The following SIRPA variants were observed in gnomAD, a reference collection of about 807,000 sequenced individuals.
The protein encoded by SIRPA is signal regulatory protein alpha, also known as tyrosine-protein phosphatase non-receptor type substrate 1.
SIRPA carries 9 observed loss-of-function variants against 50.3 expected under a neutral mutation model. The ratio of observed to expected loss-of-function variants is 0.18; its 90% CI spans 0.11 to 0.31. SIRPA has a LOEUF of 0.31. Among genes scored for constraint, SIRPA ranks in the 10% least tolerant of loss-of-function variants. The pLI, the probability that SIRPA is intolerant of heterozygous loss-of-function variation, is 1.00. For missense variants in SIRPA, 474 were observed against 661.6 expected, an observed-to-expected ratio of 0.72 and a Z score of 3.11; for synonymous variants, 265 against 284.1, an observed-to-expected ratio of 0.93 and a Z score of 0.68.
chr20:1,920,401 G>A (rs1163615018), intron 2 of SIRPA, among the ~76,000 whole-genome samples: 4 of 152,186 alleles, frequency 2.6e-5, no homozygotes, highest in African/African-American at 9.7e-5. Context: ...TGCGATAGGA[G>A]GTATGGGGTA....
intron 1 of SIRPA, among the ~76,000 whole-genome samples, chr20:1,912,882 A>G (rs1315798727): frequency 2.0e-5 from 3 of 152,224 alleles, no homozygotes; most frequent in Non-Finnish European, 4.4e-5. Flanking sequence ...CTATCCGGAA[A>G]GTTCCTAGCT....
chr20:1,917,076 C>T (rs1262847505), intron 2 of SIRPA, among the ~76,000 whole-genome samples: 1 of 152,188 alleles, frequency 6.6e-6, no homozygotes, highest in African/African-American at 2.4e-5. Flanking sequence ...CTGCTGACTC[C>T]TAGCAGAGTG....
At chr20:1,900,785 G>C (rs758530483) in intron 1 of SIRPA, among the ~76,000 whole-genome samples, 3 of 152,122 alleles carry the variant, frequency 2.0e-5, no homozygotes, top group Non-Finnish European at 4.4e-5. Flanking sequence ...CGAATTCCCC[G>C]GGAAAACACT....
At position 1,921,627 on chromosome 20, in the gene SIRPA, C is replaced by T. The variant is rs1279653286; in HGVS notation, c.669C>T (p.His223=). 1.2e-6 allele frequency: 2 copies of T among 1,614,108 alleles called. No individual in the cohort carries two copies. Among genetic ancestry groups the T allele is most frequent in the East Asian group, 4.5e-5 (2 of 44,890 alleles). ...TGGTGCTGACCCGCGAGGACGTTCACTCTCAAGTCATCTGCGAGGTGGCCC... is the reference window on the plus strand; with the variant it reads ...TGGTGCTGACCCGCGAGGACGTTCATTCTCAAGTCATCTGCGAGGTGGCCC... ...AKVVLTREDV[H]SQVICEVAHV... The change falls in exon 3 of 8, where the codon CAC becomes CAT. Residue 223 remains histidine (H), a synonymous_variant. Transcript: ENST00000358771.
At chr20:1,894,628 C>T (rs1983645385), upstream of SIRPA, 1 of 150,826 alleles carries the variant, frequency 6.6e-6, no homozygotes, top group Non-Finnish European at 1.5e-5. This position sits in a 1 kb window ranked among gnomAD's most constrained non-coding sequence, Gnocchi z 4.0. Context: ...CTCGTCTAGT[C>T]CCGAGCCCCA....
Position 1,937,653 on chromosome 20 carries a change from G to T in SIRPA, c.*85G>T. 6.5e-7 allele frequency: 1 copy of T among 1,540,676 alleles called. No individual in the cohort carries two copies. The highest frequency in any genetic ancestry group is 1.2e-5 in the South Asian group (1 of 82,364). On this transcript the variant is annotated 3_prime_UTR_variant, in exon 8 of 8. Coordinates refer to ENST00000358771, the MANE Select transcript of SIRPA (RefSeq NM_001040023.2). This position sits in a 1 kb window ranked among gnomAD's most constrained non-coding sequence, Gnocchi z 8.3. Reference sequence around the variant, plus strand: ...CGCCGTGATGAGCACAGCCAACCCAGTTCCCGGAGGGCTGGGGCGGTGCAG... The same window carrying T: ...CGCCGTGATGAGCACAGCCAACCCATTTCCCGGAGGGCTGGGGCGGTGCAG...
chr20:1,911,460 C>G (rs941214284), intron 1 of SIRPA, among the ~76,000 whole-genome samples: 1 of 152,116 alleles, frequency 6.6e-6, no homozygotes, highest in African/African-American at 2.4e-5. Context: ...AAAATGATGC[C>G]ATGAAAATTT....
intron 2 of SIRPA, 48 bp downstream of exon 2, chr20:1,915,503 CAAT>C (rs770829442): frequency 3.1e-6 from 5 of 1,591,032 alleles, no homozygotes; most frequent in Admixed American, 3.3e-5. Context: ...GACAGTAACT[CAAT>C]AATAACACCC....
At chr20:1,925,405 G>A (rs1332302831) in intron 5 of SIRPA, among the ~76,000 whole-genome samples, 3 of 152,238 alleles carry the variant, frequency 2.0e-5, no homozygotes, top group African/African-American at 4.8e-5. Context: ...ATTATTACCC[G>A]TATTGTATGT....
Position 1,921,559 on chromosome 20 carries a change from G to A in SIRPA, c.601G>A (p.Val201Ile), listed in dbSNP as rs115894672. Reference protein sequence around the residue: ...LSDFQTNVDPVGESVSYSIHS... With the variant: ...LSDFQTNVDPIGESVSYSIHS... Reference sequence around the variant, plus strand: ...AGACTTCCAGACCAACGTGGACCCCGTAGGAGAGAGCGTGTCCTACAGCAT... The same window carrying A: ...AGACTTCCAGACCAACGTGGACCCCATAGGAGAGAGCGTGTCCTACAGCAT... The change falls in exon 3 of 8, where the codon GTA becomes ATA. Residue 201 changes from valine (V) to isoleucine (I), a missense_variant. Transcript: ENST00000358771. The A allele has an allele frequency of 2.4e-3, 3,952 of 1,614,210 alleles. 78 individuals are homozygous for A. The African/African-American group carries it at 0.045, about 18-fold the overall frequency.
intron 1 of SIRPA, among the ~76,000 whole-genome samples, chr20:1,905,686 A>G (rs541278179): frequency 2.0e-5 from 3 of 152,194 alleles, no homozygotes; most frequent in Non-Finnish European, 4.4e-5. Flanking sequence ...AGCCTAGTAG[A>G]TGTCAATGTC....
intron 1 of SIRPA, among the ~76,000 whole-genome samples, chr20:1,910,918 C>CT (rs957738305): frequency 6.6e-6 from 1 of 151,646 alleles, no homozygotes. Flanking sequence ...TTTTCTCCAT[C>CT]TTTTTTTTTC....
rs931317741 is a variant in SIRPA at position 1,936,249 on chromosome 20, G to A, written c.1267-1071G>A. ...CATTCATGATGGGCGCTTTTGAGGC[G>A]GCAGTGGCAGGTTGATAGGATTAGC... On this transcript the variant is annotated intron_variant, in intron 7 of 7. Coordinates refer to ENST00000358771, the MANE Select transcript of SIRPA (RefSeq NM_001040023.2). This position sits in a 1 kb window ranked among gnomAD's most constrained non-coding sequence, Gnocchi z 4.2. Among the ~76,000 whole-genome samples the A allele has an allele frequency of 1.8e-4, 27 of 152,178 alleles. No homozygotes were observed. The highest frequency in any genetic ancestry group is 4.1e-4 in the African/African-American group (17 of 41,446).
rs932275767 is a variant in SIRPA at position 1,937,127 on chromosome 20, A to T, written c.1267-193A>T. Among the ~76,000 whole-genome samples, 1 of 151,972 alleles carries T rather than the reference A, an allele frequency of 6.6e-6. No homozygotes were observed. The highest frequency in any genetic ancestry group is 1.5e-5 in the Non-Finnish European group (1 of 67,980). The stretch of plus-strand genomic sequence containing the variant: ...AGACCCTTCAGGCAGGGTGAGGAGG[A>T]GGGCAGATGGGAAGGGGCAAGGCTG... On this transcript the variant is annotated intron_variant, in intron 7 of 7. Transcript: ENST00000358771. This position sits in a 1 kb window ranked among gnomAD's most constrained non-coding sequence, Gnocchi z 8.3.
intron 2 of SIRPA, among the ~76,000 whole-genome samples, chr20:1,917,652 A>G (rs1370322557): frequency 6.6e-6 from 1 of 152,192 alleles, no homozygotes; most frequent in Non-Finnish European, 1.5e-5. Context: ...AGGTCTCAGC[A>G]CATCACTGAG....
At chr20:1,903,644 G>A (rs6081096) in intron 1 of SIRPA, among the ~76,000 whole-genome samples, 6 of 151,872 alleles carry the variant, frequency 4.0e-5, no homozygotes, top group Admixed American at 1.3e-4. Flanking sequence ...CCTTGGCAGC[G>A]TCCTTTCTGG....
rs773852155 is a variant in SIRPA, at chr20:1,934,674, TAGTG to T, written c.1227-38_1227-35del. ...TATCAGTTTGCATGAGCACTTGAGA[TAGTG>T]AGGGTATTTTTATCTGTGTGTCTCT... is the stretch of plus-strand genomic sequence containing the variant. On this transcript the variant is annotated intron_variant, in intron 6 of 7. Coordinates refer to ENST00000358771, the MANE Select transcript of SIRPA (RefSeq NM_001040023.2). The surrounding 1 kb of genome is among the most constrained non-coding windows in gnomAD (Gnocchi z 4.6). 7.9e-5 allele frequency: 126 copies of T among 1,602,626 alleles called. No individual in the cohort carries two copies. The highest frequency in any genetic ancestry group is 4.9e-4 in the Middle Eastern group (3 of 6,066).
In SIRPA at chr20:1,921,520, G is replaced by T. The variant is rs1157839332; in HGVS notation, c.562G>T (p.Gly188Trp). 3.1e-6 allele frequency: 5 copies of T among 1,614,124 alleles called. No individual in the cohort carries two copies. Among genetic ancestry groups the T allele is most frequent in the Middle Eastern group, 3.3e-4 (2 of 6,058 alleles). Residue 188 changes from glycine to tryptophan, a missense_variant, in exon 3 of 8, where the codon GGG becomes TGG. Coordinates refer to ENST00000358771, the MANE Select transcript of SIRPA (RefSeq NM_001040023.2). ...RDITLKWFKN[G>W]NELSDFQTNV... Reference sequence around the variant, plus strand: ...CATCACCCTGAAATGGTTCAAAAATGGGAATGAGCTCTCAGACTTCCAGAC... The same window carrying T: ...CATCACCCTGAAATGGTTCAAAAATTGGAATGAGCTCTCAGACTTCCAGAC...
rs1983964718 is a variant in SIRPA at position 1,898,521 on chromosome 20, G to A, written c.79+2995G>A. Among the ~76,000 whole-genome samples, 1 of 152,150 alleles carries A rather than the reference G, an allele frequency of 6.6e-6. No individual in the cohort carries two copies. Among genetic ancestry groups the A allele is most frequent in the Non-Finnish European group, 1.5e-5 (1 of 68,026 alleles). ...TGCTCCTGCGTCGTCTCACCCGCAA[G>A]ACATGGATTGGCTCTTCTCCCCATT... On this transcript the variant is annotated intron_variant, in intron 1 of 7. Transcript: ENST00000358771. The surrounding 1 kb of genome is among the most constrained non-coding windows in gnomAD (Gnocchi z 4.3).
Sources: gnomAD v4.1 joint callset for allele counts (sites outside exome capture counted in the v4.1 genomes callset) on GRCh38, gnomAD v4.1.1 for gene constraint, Gnocchi (gnomAD v3.1) non-coding constraint, MANE v1.5 for transcripts, NCBI Gene and HGNC (gene_info 2026-07-23, HGNC 2026-07-21) for gene names.